Variants in DENND1A observed in about 807,000 individuals in gnomAD.
DENND1A encodes DENN domain-containing protein 1A.
A neutral mutation model predicts 113.7 loss-of-function variants in DENND1A; 51 were observed. That is an observed-to-expected ratio of 0.45 (90% CI 0.36 to 0.57). The LOEUF is 0.57. Among genes scored for constraint, DENND1A ranks in the 20% least tolerant of loss-of-function variants. The pLI, the probability that DENND1A is intolerant of heterozygous loss-of-function variation, is 0.00. For synonymous variants in DENND1A, 565 were observed against 570.8 expected (o/e 0.99, Z 0.14); for missense variants, 1,258 against 1,395.9 (o/e 0.90, Z 1.57).
intron 13 of DENND1A, among the ~76,000 whole-genome samples, chr9:123,486,152 C>T (rs149937813): frequency 2.4e-4 from 37 of 152,270 alleles, no homozygotes; most frequent in Admixed American, 1.3e-3. Flanking sequence ...GCCCTAATTT[C>T]CTCCTCTGTA....
intron 5 of DENND1A, among the ~76,000 whole-genome samples, chr9:123,745,301 C>T (rs909676802): frequency 2.6e-5 from 4 of 152,212 alleles, no homozygotes; most frequent in African/African-American, 9.7e-5. Flanking sequence ...GCCTCTTTCT[C>T]TAGCAACACC....
At chr9:123,732,984 A>G (rs906627935) in intron 5 of DENND1A, among the ~76,000 whole-genome samples, 1 of 152,220 alleles carries the variant, frequency 6.6e-6, no homozygotes, top group Admixed American at 6.5e-5. Context: ...TACTAAGTTT[A>G]TTGTTGTTGT....
chr9:123,632,550 T>C (rs571741682), intron 9 of DENND1A, among the ~76,000 whole-genome samples: 2 of 152,262 alleles, frequency 1.3e-5, no homozygotes, highest in African/African-American at 2.4e-5. Flanking sequence ...CAGCTCTTTC[T>C]GCTCATCTTT....
At chr9:123,589,594 T>G (rs538757529) in intron 11 of DENND1A, among the ~76,000 whole-genome samples, 1 of 130,226 alleles carries the variant, frequency 7.7e-6, no homozygotes, top group East Asian at 2.3e-4. Flanking sequence ...CCAAAGCTCC[T>G]GCCAGCTGCA....
intron 4 of DENND1A, among the ~76,000 whole-genome samples, 154 bp from the exon 5 acceptor site, chr9:123,757,976 TAAAAA>T (rs557446216): frequency 8.1e-6 from 1 of 123,044 alleles, no homozygotes; most frequent in Non-Finnish European, 1.7e-5. Flanking sequence ...GTAAGCTAGT[TAAAAA>T]AAAAAAAAAA....
At chr9:123,725,402 G>A (rs942421338) in intron 5 of DENND1A, among the ~76,000 whole-genome samples, 4 of 152,186 alleles carry the variant, frequency 2.6e-5, no homozygotes, top group Non-Finnish European at 5.9e-5. Flanking sequence ...GCAGCTGCCC[G>A]GGACTACAGG....
At chr9:123,440,787 T>A (rs182225180) in intron 18 of DENND1A, among the ~76,000 whole-genome samples, 2 of 152,376 alleles carry the variant, frequency 1.3e-5, no homozygotes, top group East Asian at 3.9e-4. Flanking sequence ...TTTATGTATT[T>A]ACTTTGTCCA....
At chr9:123,660,470 C>T (rs2063176545) in intron 8 of DENND1A, among the ~76,000 whole-genome samples, 1 of 151,748 alleles carries the variant, frequency 6.6e-6, no homozygotes, top group Admixed American at 6.6e-5. Context: ...AAAAAAACTT[C>T]CTAATCTCAA....
At chr9:123,699,748 A>C (rs1589718991) in intron 5 of DENND1A, among the ~76,000 whole-genome samples, 2 of 132,398 alleles carry the variant, frequency 1.5e-5, no homozygotes, top group South Asian at 4.7e-4. Flanking sequence ...CCCAGGCTGG[A>C]GTGCAGTGGC....
intron 3 of DENND1A, among the ~76,000 whole-genome samples, chr9:123,776,187 TA>T (rs1288064563): frequency 2.6e-5 from 4 of 152,178 alleles, no homozygotes; most frequent in Admixed American, 2.0e-4. Context: ...GTCCTATAAT[TA>T]AGCCCTAACA....
At chr9:123,429,026 A>T (rs534230030) in intron 19 of DENND1A, among the ~76,000 whole-genome samples, 2 of 152,222 alleles carry the variant, frequency 1.3e-5, no homozygotes. Flanking sequence ...TCTTCACAGC[A>T]TTAGAAAAAA....
At chr9:123,586,352 G>A (rs893993815) in intron 11 of DENND1A, among the ~76,000 whole-genome samples, 7 of 152,120 alleles carry the variant, frequency 4.6e-5, no homozygotes, top group African/African-American at 1.2e-4. Context: ...GGCTCTCCAC[G>A]GCTGGGCTGG....
At chr9:123,729,488 A>G (rs1414211625) in intron 5 of DENND1A, among the ~76,000 whole-genome samples, 2 of 152,222 alleles carry the variant, frequency 1.3e-5, no homozygotes, top group Non-Finnish European at 2.9e-5. Flanking sequence ...GAGCCAAATC[A>G]TGAGTGAACT....
At chr9:123,581,071 A>AGTAGGGCAGAGGGGCCAT (rs1393778498) in intron 12 of DENND1A, among the ~76,000 whole-genome samples, 1 of 151,936 alleles carries the variant, frequency 6.6e-6, no homozygotes, top group Admixed American at 6.6e-5. Flanking sequence ...GAAGACACCT[A>AGTAGGGCAGAGGGGCCAT]GTAGGGCAGA....
intron 13 of DENND1A, among the ~76,000 whole-genome samples, chr9:123,519,049 T>C (rs1391092201): frequency 1.3e-5 from 2 of 152,170 alleles, no homozygotes; most frequent in African/African-American, 2.4e-5. Context: ...CGGTCCCTCC[T>C]AGGGGCCGTG....
At chr9:123,736,531 T>C (rs2068579498) in intron 5 of DENND1A, 1 of 152,228 alleles carries the variant, frequency 6.6e-6, no homozygotes, top group Non-Finnish European at 1.5e-5. Flanking sequence ...TCATATTTAA[T>C]GTCCTATCTA....
At position 123,381,332 on chromosome 9, in the gene DENND1A, AG is replaced by A; in HGVS notation, c.*99del. The A allele has an allele frequency of 8.2e-7, 1 of 1,225,038 alleles. No individual in the cohort carries two copies. Among genetic ancestry groups the A allele is most frequent in the African/African-American group, 1.5e-5 (1 of 67,178 alleles). 75.9% of individuals were successfully genotyped at this position (1,225,038 alleles called of 1,614,324 possible). A position where few individuals can be genotyped will look rare whatever the true frequency, so the allele number is the denominator to read the frequency against. ...GAGAGGGGTCCCATCCCTTCCCACC[AG>A]CAGAACCTGGGCAGAGAGAGAGTGG... On this transcript the variant is annotated 3_prime_UTR_variant, in exon 24 of 24. Transcript: ENST00000394215. The surrounding 1 kb of genome is among the most constrained non-coding windows in gnomAD (Gnocchi z 4.7).
chr9:123,897,566 A>T (rs1417383585), intron 1 of DENND1A, among the ~76,000 whole-genome samples: 1 of 152,178 alleles, frequency 6.6e-6, no homozygotes, highest in Non-Finnish European at 1.5e-5. Context: ...AGGGTTAAAT[A>T]AAGGGAGCCG....
intron 4 of DENND1A, 134 bp downstream of exon 4, chr9:123,769,380 G>T: frequency 2.7e-6 from 2 of 741,552 alleles, no homozygotes; most frequent in Non-Finnish European, 2.0e-6. Context: ...GGAGAATATT[G>T]CAACTCTCCT....
Sources: gnomAD v4.1 joint callset for allele counts (sites outside exome capture counted in the v4.1 genomes callset) on GRCh38, gnomAD v4.1.1 for gene constraint, Gnocchi (gnomAD v3.1) non-coding constraint, MANE v1.5 for transcripts, NCBI Gene and HGNC (gene_info 2026-07-23, HGNC 2026-07-21) for gene names.